The following PCDH15 variants were observed in gnomAD, a reference collection of about 807,000 sequenced individuals.
PCDH15 encodes the protein protocadherin related 15.
Under a neutral mutation model 178.5 loss-of-function variants are expected in PCDH15, and 129 were observed. The ratio of observed to expected loss-of-function variants is 0.72; its 90% CI spans 0.63 to 0.84. The LOEUF is 0.84. PCDH15 is among the 40% of genes least tolerant of loss of function. The pLI is 0.00. For synonymous variants in PCDH15, 800 were observed against 732.0 expected (o/e 1.09, Z -1.50); for missense variants, 2,230 against 2,099.9 (o/e 1.06, Z -1.21).
intron 1 of PCDH15, among the ~76,000 whole-genome samples, chr10:55,185,891 T>A (rs1159742997): frequency 6.6e-6 from 1 of 151,790 alleles, no homozygotes; most frequent in Non-Finnish European, 1.5e-5. Flanking sequence ...ATTTATACAT[T>A]TGAATATTTA....
chr10:55,467,185 A>C (rs142605351), intron 2 of PCDH15, among the ~76,000 whole-genome samples: 4 of 152,310 alleles, frequency 2.6e-5, no homozygotes, highest in African/African-American at 9.6e-5. Flanking sequence ...GTTTGAAACA[A>C]ACAAAAATCC....
At chr10:54,808,184 T>C (rs1952808483) in intron 3 of PCDH15, among the ~76,000 whole-genome samples, 1 of 152,218 alleles carries the variant, frequency 6.6e-6, no homozygotes, top group African/African-American at 2.4e-5. Flanking sequence ...TTTAACTCAG[T>C]AATCACTATT....
intron 2 of PCDH15, among the ~76,000 whole-genome samples, chr10:55,486,948 A>G (rs1459029268): frequency 1.9e-4 from 29 of 151,586 alleles, no homozygotes; most frequent in Admixed American, 1.8e-3. Context: ...TAAAACTTCA[A>G]CATTTCCACA....
At chr10:55,582,628 A>ATATATATATATT (rs780312007) in intron 2 of PCDH15, among the ~76,000 whole-genome samples, 13 of 69,032 alleles carry the variant, frequency 1.9e-4, no homozygotes, top group African/African-American at 5.3e-4. Flanking sequence ...ATATATATAT[A>ATATATATATATT]TTTTTTTTTT....
intron 1 of PCDH15, among the ~76,000 whole-genome samples, chr10:55,296,954 T>C (rs1843147727): frequency 6.6e-6 from 1 of 152,276 alleles, no homozygotes; most frequent in Non-Finnish European, 1.5e-5. Context: ...TTGTATTTTA[T>C]AATTTTTGTG....
intron 1 of PCDH15, among the ~76,000 whole-genome samples, chr10:54,703,521 T>C (rs1409098935): frequency 6.6e-6 from 1 of 151,970 alleles, no homozygotes; most frequent in Non-Finnish European, 1.5e-5. Context: ...GATAAACAAA[T>C]TCAGAAAAGT....
chr10:55,321,379 C>T (rs1488909518), upstream of PCDH15, among the ~76,000 whole-genome samples: 1 of 151,910 alleles, frequency 6.6e-6, no homozygotes, highest in Non-Finnish European at 1.5e-5. Flanking sequence ...CATTATCATC[C>T]CTGAAAAGAG....
intron 28 of PCDH15, among the ~76,000 whole-genome samples, chr10:53,844,304 G>A (rs560054099): frequency 6.6e-6 from 1 of 152,046 alleles, no homozygotes; most frequent in Non-Finnish European, 1.5e-5. Flanking sequence ...GTAGAATCAG[G>A]AAAACTAGTT....
intron 1 of PCDH15, among the ~76,000 whole-genome samples, chr10:54,773,059 A>G (rs941423653): frequency 3.3e-5 from 5 of 151,790 alleles, no homozygotes; most frequent in African/African-American, 1.2e-4. Context: ...ATGAGAACAC[A>G]CGGACACATG....
intron 2 of PCDH15, among the ~76,000 whole-genome samples, chr10:55,063,047 T>C (rs1018374738): frequency 6.6e-6 from 1 of 152,120 alleles, no homozygotes; most frequent in Non-Finnish European, 1.5e-5. Flanking sequence ...GGCTTTACAA[T>C]ACCTCAGTTT....
intron 8 of PCDH15, among the ~76,000 whole-genome samples, chr10:54,250,496 G>T (rs2056389860): frequency 6.6e-6 from 1 of 150,926 alleles, no homozygotes; most frequent in African/African-American, 2.4e-5. Flanking sequence ...CTTTAGCCAG[G>T]ATGGTCTCGA....
Position 55,309,390 on chromosome 10 carries a change from G to T in PCDH15, c.-156+10209C>A, listed in dbSNP as rs117699368. ...AAATTAGTCAGGGGTGGTGGCATGT[G>T]CTTGTATTCTCACCTATTCAAGAGG... On this transcript the variant is annotated intron_variant, in intron 1 of 5. Coordinates refer to the PCDH15 transcript ENST00000458638. Among the ~76,000 whole-genome samples, 1,191 of 152,010 alleles carry T rather than the reference G, an allele frequency of 7.8e-3. 7 individuals carry two copies. Among genetic ancestry groups the T allele is most frequent in the Non-Finnish European group, 0.011 (778 of 67,984 alleles).
rs150874983 is a variant in PCDH15, at chr10:55,267,160, A to G, written c.-156+52439T>C. 3.2e-3 allele frequency among the ~76,000 whole-genome samples: 483 copies of G among 152,268 alleles called. 3 individuals are homozygous for G. Among genetic ancestry groups the G allele is most frequent in the African/African-American group, 0.011 (462 of 41,544 alleles). On this transcript the variant is annotated intron_variant, in intron 1 of 5. Transcript: ENST00000458638. ...AAGGAGAGACAGAGGGGAGAAACAA[A>G]AAAAGAAAGAAATGTATACACATAC...
At chr10:54,067,328 G>A (rs1294568956) in intron 17 of PCDH15, among the ~76,000 whole-genome samples, 1 of 152,080 alleles carries the variant, frequency 6.6e-6, no homozygotes, top group Non-Finnish European at 1.5e-5. Flanking sequence ...CATCAAATGA[G>A]CATTTTCTGG....
At chr10:54,720,737 C>A (rs914266308) in intron 1 of PCDH15, among the ~76,000 whole-genome samples, 1 of 151,938 alleles carries the variant, frequency 6.6e-6, no homozygotes, top group Non-Finnish European at 1.5e-5. Flanking sequence ...CACTCTGATT[C>A]ATAAAACAAA....
chr10:55,598,522 A>G (rs1283508369), intron 2 of PCDH15, among the ~76,000 whole-genome samples: 1 of 17,274 alleles, frequency 5.8e-5, no homozygotes, highest in Admixed American at 4.9e-4. Context: ...TAATATATAT[A>G]TATATATATA....
intron 18 of PCDH15, among the ~76,000 whole-genome samples, chr10:54,031,038 G>A (rs1314235648): frequency 1.3e-5 from 2 of 151,954 alleles, no homozygotes; most frequent in African/African-American, 2.4e-5. Flanking sequence ...AGCTTTTAAC[G>A]CTTCTGCTTG....
chr10:54,930,295 C>T (rs1837739494), intron 2 of PCDH15, among the ~76,000 whole-genome samples: 1 of 152,142 alleles, frequency 6.6e-6, no homozygotes, highest in Non-Finnish European at 1.5e-5. Context: ...GTAAATCAGA[C>T]ACCACCTCCT....
chr10:54,351,974 A>C (rs1372883291), intron 5 of PCDH15, among the ~76,000 whole-genome samples: 1 of 152,186 alleles, frequency 6.6e-6, no homozygotes, highest in Non-Finnish European at 1.5e-5. Flanking sequence ...TAAAATATTG[A>C]GAAGGATATG....
Sources: allele counts gnomAD v4.1 joint callset (sites outside exome capture counted in the v4.1 genomes callset), GRCh38; gene constraint gnomAD v4.1.1; transcripts MANE v1.5; gene names NCBI Gene and HGNC (gene_info 2026-07-23, HGNC 2026-07-21).